OSBPL6: variants seen among roughly 807,000 people sequenced by gnomAD.
OSBPL6 encodes oxysterol binding protein like 6.
In OSBPL6, 49 loss-of-function variants were observed where a neutral mutation model predicts 125.8. The ratio of observed to expected loss-of-function variants is 0.39; its 90% confidence interval spans 0.31 to 0.49. The LOEUF (loss-of-function observed/expected upper bound fraction) is 0.49. OSBPL6 is among the 20% of genes least tolerant of loss of function. The pLI is 0.88. For synonymous variants in OSBPL6, 394 were observed against 391.8 expected (o/e 1.01, Z -0.07); for missense variants, 986 against 1,135.4 (o/e 0.87, Z 1.89).
At chr2:178,210,224 C>T (rs910347749) in intron 1 of OSBPL6, among the ~76,000 whole-genome samples, 2 of 151,866 alleles carry the variant, frequency 1.3e-5, no homozygotes, top group African/African-American at 2.4e-5. Flanking sequence ...GGGGTTTCAC[C>T]ATGTTGGTCA....
At chr2:178,225,254 AGG>A (rs2090507986) in intron 1 of OSBPL6, among the ~76,000 whole-genome samples, 1 of 140,752 alleles carries the variant, frequency 7.1e-6, no homozygotes, top group East Asian at 2.3e-4. Flanking sequence ...AAAAAAAAAA[AGG>A]AAAGAAAAGA....
At chr2:178,288,709 C>T (rs553044243) in intron 2 of OSBPL6, among the ~76,000 whole-genome samples, 9 of 150,900 alleles carry the variant, frequency 6.0e-5, no homozygotes, top group South Asian at 2.1e-4. Flanking sequence ...AATGCAGTGG[C>T]GCGATCTCAG....
chr2:178,215,950 G>A (rs1395972305), intron 1 of OSBPL6, among the ~76,000 whole-genome samples: 1 of 152,162 alleles, frequency 6.6e-6, no homozygotes, highest in Non-Finnish European at 1.5e-5. Context: ...TATTGGTTTG[G>A]AGGCTGGTGT....
chr2:178,228,395 T>A (rs537852561), intron 1 of OSBPL6, among the ~76,000 whole-genome samples: 1 of 151,880 alleles, frequency 6.6e-6, no homozygotes, highest in Admixed American at 6.6e-5. Flanking sequence ...ATGAGCCGGG[T>A]GTGGTGGCGT....
chr2:178,377,490 C>T (rs1418748407), intron 15 of OSBPL6, among the ~76,000 whole-genome samples: 1 of 152,230 alleles, frequency 6.6e-6, no homozygotes, highest in East Asian at 1.9e-4. Flanking sequence ...CACATCCAAA[C>T]TGTATCACCT....
At chr2:178,316,891 C>T (rs1687782568) in intron 3 of OSBPL6, among the ~76,000 whole-genome samples, 1 of 151,544 alleles carries the variant, frequency 6.6e-6, no homozygotes, top group Non-Finnish European at 1.5e-5. Flanking sequence ...GACTGTATTG[C>T]TAATTGAAAC....
chr2:178,384,913 A>G (rs956749718), intron 18 of OSBPL6, among the ~76,000 whole-genome samples: 1 of 151,972 alleles, frequency 6.6e-6, no homozygotes, highest in Non-Finnish European at 1.5e-5. Flanking sequence ...TATCTTTTTT[A>G]GGAATAAAAT....
At chr2:178,279,546 G>T (rs1382235704) in intron 1 of OSBPL6, among the ~76,000 whole-genome samples, 1 of 152,162 alleles carries the variant, frequency 6.6e-6, no homozygotes, top group East Asian at 1.9e-4. Context: ...GAAAGATAAT[G>T]TTAGCATCCT....
intron 1 of OSBPL6, among the ~76,000 whole-genome samples, chr2:178,215,794 T>G (rs942802760): frequency 1.3e-5 from 2 of 152,040 alleles, no homozygotes; most frequent in African/African-American, 4.8e-5. Flanking sequence ...GGAGATGACT[T>G]TGAGGTGACC....
chr2:178,324,117 T>C (rs989602225), intron 3 of OSBPL6, 60 bp from the exon 4 acceptor site: 2 of 1,091,156 alleles, frequency 1.8e-6, no homozygotes, highest in Non-Finnish European at 2.6e-6. Flanking sequence ...TTCATCCCCA[T>C]GCACATTCAC....
chr2:178,317,190 C>A (rs1227806047), intron 3 of OSBPL6, among the ~76,000 whole-genome samples: 1 of 151,118 alleles, frequency 6.6e-6, no homozygotes, highest in African/African-American at 2.4e-5. Context: ...AAATTGTCAG[C>A]AAATATTAAA....
chr2:178,365,570 G>A lies in OSBPL6; in HGVS notation c.1287+3755G>A, dbSNP rs868202962. Among the ~76,000 whole-genome samples, 3 of 152,062 alleles carry A rather than the reference G, an allele frequency of 2.0e-5. No homozygotes were observed. The South Asian group carries it at 6.2e-4, about 32-fold the overall frequency. On this transcript the variant is annotated intron_variant, in intron 13 of 24. Coordinates refer to ENST00000190611, the MANE Select transcript of OSBPL6 (RefSeq NM_032523.4). ...AGGTGCCTGTAATCCCAGCTACTTG[G>A]GAGGCTGAGGCAGGAGAATTGCTTG...
chr2:178,302,289 C>T (rs879308141), intron 2 of OSBPL6, among the ~76,000 whole-genome samples: 2 of 152,112 alleles, frequency 1.3e-5, no homozygotes, highest in Non-Finnish European at 2.9e-5. Flanking sequence ...AGTCACAATA[C>T]GTTTCTCATT....
At chr2:178,288,338 C>A (rs749974160) in intron 2 of OSBPL6, among the ~76,000 whole-genome samples, 26 of 152,128 alleles carry the variant, frequency 1.7e-4, no homozygotes, top group Non-Finnish European at 3.5e-4. Flanking sequence ...TTCGTTCTTG[C>A]CTGTTGAAAA....
intron 1 of OSBPL6, among the ~76,000 whole-genome samples, chr2:178,284,318 C>T (rs1321150599): frequency 2.0e-5 from 3 of 152,042 alleles, no homozygotes; most frequent in African/African-American, 4.8e-5. Flanking sequence ...TTTGGGAGGC[C>T]GAGGCAGGCA....
intron 3 of OSBPL6, among the ~76,000 whole-genome samples, chr2:178,317,014 T>C (rs576504186): frequency 3.3e-5 from 5 of 152,108 alleles, no homozygotes; most frequent in Non-Finnish European, 7.4e-5. Flanking sequence ...AGAAGATATA[T>C]CAAAATATTG....
Position 178,298,691 on chromosome 2 carries a change from GTTGCTTTTTTTT to G in OSBPL6, c.-155-7335_-155-7324del, listed in dbSNP as rs1234278716. Reference sequence around the variant, plus strand: ...AGCCACCATGCCCAGCCTATTTTTAGTTGCTTTTTTTTTTGTTTTTTTTTTTTTGCCGTACTG... The same window carrying G: ...AGCCACCATGCCCAGCCTATTTTTAGTTGTTTTTTTTTTTTTGCCGTACTG... On this transcript the variant is annotated intron_variant, in intron 2 of 24. Transcript: ENST00000190611. Among the ~76,000 whole-genome samples the G allele has an allele frequency of 7.5e-4, 106 of 142,072 alleles. No homozygotes were observed. The East Asian group carries it at 0.02, about 27-fold the overall frequency. 93.2% of individuals were successfully genotyped at this position (142,072 alleles called of 152,430 possible).
Position 178,400,349 on chromosome 2 carries a change from C to T in OSBPL6, c.*4790C>T, listed in dbSNP as rs929886225. 1.3e-5 allele frequency: 2 copies of T among 150,658 alleles called. No individual in the cohort carries two copies. Among genetic ancestry groups the T allele is most frequent in the African/African-American group, 4.9e-5 (2 of 40,788 alleles). 9.3% of individuals were successfully genotyped at this position (150,658 alleles called of 1,614,324 possible). The stretch of plus-strand genomic sequence containing the variant: ...TCACCCAGGCTGGAGCGCAATGGCA[C>T]AATCTCGGCTCACTGCAGCCTCCGC... On this transcript the variant is annotated 3_prime_UTR_variant, in exon 25 of 25. Transcript: ENST00000190611.
intron 21 of OSBPL6, among the ~76,000 whole-genome samples, chr2:178,390,303 G>A (rs555220504): frequency 2.6e-5 from 4 of 152,264 alleles, no homozygotes; most frequent in South Asian, 4.1e-4. Context: ...CCTGGCCCAC[G>A]GCCTTCCCTA....
Sources: allele counts gnomAD v4.1 joint callset (sites outside exome capture counted in the v4.1 genomes callset), GRCh38; gene constraint gnomAD v4.1.1; transcripts MANE v1.5; gene names NCBI Gene and HGNC (gene_info 2026-07-23, HGNC 2026-07-21).